CTBP2: variants seen among roughly 807,000 people sequenced by gnomAD.
CTBP2 encodes the protein C-terminal binding protein 2.
CTBP2 carries 30 observed loss-of-function variants against 80.3 expected under a neutral mutation model. That is an observed-to-expected ratio of 0.37 (90% CI 0.28 to 0.51). The LOEUF is 0.51. CTBP2 is among the 20% of genes least tolerant of loss of function. The pLI, the probability that CTBP2 is intolerant of heterozygous loss-of-function variation, is 0.93. For missense variants in CTBP2, 1,212 were observed against 1,375.3 expected (o/e 0.88, Z 1.88); for synonymous variants, 594 against 587.4 (o/e 1.01, Z -0.16).
chr10:125,015,047 C>T (rs1338435171), intron 1 of CTBP2, among the ~76,000 whole-genome samples: 1 of 152,214 alleles, frequency 6.6e-6, no homozygotes, highest in Non-Finnish European at 1.5e-5. Context: ...CATCTGCTTC[C>T]TTGGGTAGAG....
intron 2 of CTBP2, among the ~76,000 whole-genome samples, chr10:125,060,210 TA>T (rs1158723990): frequency 4.0e-5 from 6 of 150,696 alleles, no homozygotes; most frequent in Admixed American, 2.7e-4. Context: ...GTGCTATTTT[TA>T]TCCTCCACAG....
chr10:125,039,215 C>G, intron 2 of CTBP2, 60 bp from the exon 3 acceptor site: 1 of 586,196 alleles, frequency 1.7e-6, no homozygotes, highest in Non-Finnish European at 2.9e-6. Context: ...AGGACAACAG[C>G]TCACTGGGGA....
At chr10:125,051,568 G>C (rs1962770620) in intron 2 of CTBP2, among the ~76,000 whole-genome samples, 1 of 151,832 alleles carries the variant, frequency 6.6e-6, no homozygotes, top group African/African-American at 2.4e-5. Flanking sequence ...TGAACCCAGG[G>C]GACAGAGCTT....
chr10:125,046,500 T>A (rs1783692559), intron 2 of CTBP2, among the ~76,000 whole-genome samples: 2 of 136,258 alleles, frequency 1.5e-5, no homozygotes, highest in African/African-American at 5.6e-5. Context: ...ATCCCGCCAC[T>A]GCACTCCAGC....
Position 124,994,400 on chromosome 10 carries a change from C to G in CTBP2, c.2400+69G>C. Reference sequence around the variant, plus strand: ...ACCACCTCCGTTGCCCTCCGTGTCCCTCTTGTGCCCACAAGCAAGTGCTAC... The same window carrying G: ...ACCACCTCCGTTGCCCTCCGTGTCCGTCTTGTGCCCACAAGCAAGTGCTAC... On this transcript the variant is annotated intron_variant, in intron 5 of 8. Coordinates refer to ENST00000309035, the MANE Select transcript of CTBP2 (RefSeq NM_022802.3). 6 of 1,501,910 alleles carry G rather than the reference C, an allele frequency of 4.0e-6. No individual in the cohort carries two copies. The South Asian group carries it at 6.9e-5, about 17-fold the overall frequency. The allele number at this position is 1,501,910 out of a possible 1,614,324, so 93.0% of individuals were successfully genotyped here.
intron 1 of CTBP2, among the ~76,000 whole-genome samples, chr10:125,006,372 G>A (rs1213727704): frequency 6.6e-6 from 1 of 152,144 alleles, no homozygotes; most frequent in Non-Finnish European, 1.5e-5. Flanking sequence ...GGAGGCCACA[G>A]GAGACCCCCA....
At chr10:125,030,146 CCACACACA>C (rs3068310), upstream of CTBP2, among the ~76,000 whole-genome samples, 2 of 150,068 alleles carry the variant, frequency 1.3e-5, no homozygotes, top group Admixed American at 6.7e-5. Flanking sequence ...TACACAAACA[CCACACACA>C]CACACACACA....
chr10:125,096,326 G>C (rs1225647869), intron 2 of CTBP2, among the ~76,000 whole-genome samples: 1 of 151,922 alleles, frequency 6.6e-6, no homozygotes, highest in East Asian at 1.9e-4. Flanking sequence ...TACCCCATGG[G>C]GAAAAAATGT....
chr10:125,109,060 C>T (rs1851889795), intron 2 of CTBP2, among the ~76,000 whole-genome samples: 1 of 152,234 alleles, frequency 6.6e-6, no homozygotes, highest in African/African-American at 2.4e-5. Flanking sequence ...CACTGCTAAA[C>T]AGGATCCCAG....
At chr10:125,148,322 G>A (rs1230514465) in intron 1 of CTBP2, among the ~76,000 whole-genome samples, 1 of 152,124 alleles carries the variant, frequency 6.6e-6, no homozygotes, top group Non-Finnish European at 1.5e-5. Flanking sequence ...GACATGCCAA[G>A]TAACCACCAG....
At chr10:125,135,499 T>C (rs11245515) in intron 1 of CTBP2, among the ~76,000 whole-genome samples, 69,201 of 151,782 alleles carry the variant, frequency 0.46, 16,083 homozygotes, top group East Asian at 0.71. Context: ...AAGAGGTCCA[T>C]AGTCTGAGTC....
At chr10:125,125,744 C>T (rs944135875) in intron 1 of CTBP2, among the ~76,000 whole-genome samples, 3 of 152,166 alleles carry the variant, frequency 2.0e-5, no homozygotes, top group South Asian at 2.1e-4. Flanking sequence ...TGCTGTACCT[C>T]GGTAGCAGAG....
chr10:125,038,817 A>G (rs1032031446), intron 3 of CTBP2, among the ~76,000 whole-genome samples, 180 bp downstream of exon 3: 1 of 152,204 alleles, frequency 6.6e-6, no homozygotes, highest in African/African-American at 2.4e-5. Flanking sequence ...GCCTTGTCCT[A>G]AGCCAAGGCC....
intron 2 of CTBP2, among the ~76,000 whole-genome samples, chr10:125,043,959 T>C (rs1960551143): frequency 6.6e-6 from 1 of 152,220 alleles, no homozygotes; most frequent in African/African-American, 2.4e-5. Flanking sequence ...CACAAATTAA[T>C]ATCATCGTAG....
chr10:125,069,294 G>A (rs922715977), intron 2 of CTBP2, among the ~76,000 whole-genome samples: 2 of 152,118 alleles, frequency 1.3e-5, no homozygotes, highest in African/African-American at 2.4e-5. Flanking sequence ...ACTTGTAAAC[G>A]CCCACAATGA....
chr10:125,003,802 CCCTGCACCGCGTGCCTCCCTG>C (rs1181650678), intron 1 of CTBP2, among the ~76,000 whole-genome samples: 3 of 152,138 alleles, frequency 2.0e-5, no homozygotes, highest in South Asian at 2.1e-4. Context: ...CAGGACGGGT[CCCTGCACCGCGTGCCTCCCTG>C]CCTGCACCGG....
At chr10:125,029,438 TCTCTA>T (rs1174209410), upstream of CTBP2, among the ~76,000 whole-genome samples, 4 of 152,132 alleles carry the variant, frequency 2.6e-5, no homozygotes, top group Middle Eastern at 6.8e-3. Flanking sequence ...GCCTACCATG[TCTCTA>T]CTCTATCTAC....
chr10:125,006,510 G>A (rs1955261833), intron 1 of CTBP2, among the ~76,000 whole-genome samples: 1 of 152,228 alleles, frequency 6.6e-6, no homozygotes, highest in Non-Finnish European at 1.5e-5. Flanking sequence ...AATCTGGACT[G>A]AAATTCAAGC....
At chr10:125,005,318 G>A (rs1955089764) in intron 1 of CTBP2, among the ~76,000 whole-genome samples, 1 of 152,060 alleles carries the variant, frequency 6.6e-6, no homozygotes, top group South Asian at 2.1e-4. Flanking sequence ...TGCCACCCCC[G>A]GCTGGGAGAA....
Sources: allele counts gnomAD v4.1 joint callset (sites outside exome capture counted in the v4.1 genomes callset), GRCh38; gene constraint gnomAD v4.1.1; transcripts MANE v1.5; gene names NCBI Gene and HGNC (gene_info 2026-07-23, HGNC 2026-07-21).